The following RRN3 variants were observed in gnomAD, a reference collection of about 807,000 sequenced individuals.
The protein encoded by RRN3 is RNA polymerase I transcription factor RRN3.
RRN3 carries 38 observed loss-of-function variants against 82.3 expected under a neutral mutation model. That is an observed-to-expected ratio of 0.46 (90% CI 0.36 to 0.61). The LOEUF (loss-of-function observed/expected upper bound fraction) is 0.61, where lower values mean the gene tolerates loss of function less well. RRN3 is among the 20% of genes least tolerant of loss of function. RRN3 has a pLI of 0.00. For synonymous variants in RRN3, 284 were observed against 284.3 expected, an observed-to-expected ratio of 1.00 and a Z score of 0.01; for missense variants, 726 against 793.1, an observed-to-expected ratio of 0.92 and a Z score of 1.02.
At chr16:15,071,285 T>C in intron 12 of RRN3, 34 bp from the exon 13 acceptor site, 1 of 1,571,340 alleles carries the variant, frequency 6.4e-7, no homozygotes, top group Non-Finnish European at 8.6e-7. Context: ...GTGATCTTTT[T>C]TAATGCCTAA....
rs369794245 is a variant in RRN3, at chr16:15,063,260, A to T, written c.1730T>A (p.Ile577Asn). 14 of 1,613,242 alleles carry T rather than the reference A, an allele frequency of 8.7e-6. No individual in the cohort carries two copies. The African/African-American group carries it at 1.7e-4, about 20-fold the overall frequency. ...ACTCATGTCTTCCCACACCTGATAA[A>T]TAGGATCAATGAATTTCTTTGACCT... ...LKRSKKFIDP[I>N]YQVWEDMSAE... The change falls in exon 17 of 18, where the codon ATT (isoleucine) becomes AAT (asparagine). Residue 577 changes from isoleucine to asparagine, a missense_variant. Physicochemically the swap from Ile to Asn is moderately radical, Grantham distance 149. Transcript: ENST00000198767.
chr16:15,088,101 A>G (rs552668397), intron 3 of RRN3, among the ~76,000 whole-genome samples: 76 of 151,824 alleles, frequency 5.0e-4, no homozygotes, highest in Non-Finnish European at 8.2e-4. Context: ...GGGCAACAAG[A>G]GCAAAACTCC....
chr16:15,093,729 G>A (rs912728035), intron 1 of RRN3, among the ~76,000 whole-genome samples: 16 of 152,188 alleles, frequency 1.1e-4, no homozygotes, highest in African/African-American at 3.9e-4. Flanking sequence ...AAACAAATAC[G>A]TGTGTCGAAA....
intron 14 of RRN3, among the ~76,000 whole-genome samples, chr16:15,069,103 CAT>C (rs894088044): frequency 7.2e-5 from 11 of 152,160 alleles, no homozygotes; most frequent in Non-Finnish European, 5.9e-5. Flanking sequence ...TGTAGGTAAA[CAT>C]ATATAATGCA....
chr16:15,080,309 A>G (rs1035137358), intron 8 of RRN3, among the ~76,000 whole-genome samples: 4 of 152,242 alleles, frequency 2.6e-5, no homozygotes, highest in African/African-American at 7.2e-5. Flanking sequence ...TTTAATTTGC[A>G]TAACTATAGG....
chr16:15,064,904 C>T (rs1364264007), intron 16 of RRN3, among the ~76,000 whole-genome samples: 3 of 152,210 alleles, frequency 2.0e-5, no homozygotes, highest in Non-Finnish European at 4.4e-5. Context: ...CGGTGGCTCA[C>T]GCCTGTAATC....
intron 14 of RRN3, among the ~76,000 whole-genome samples, chr16:15,069,319 C>A (rs2045120980): frequency 2.6e-5 from 4 of 152,120 alleles, no homozygotes; most frequent in Non-Finnish European, 4.4e-5. Context: ...GATGATGCAG[C>A]CCAAATGGCA....
intron 8 of RRN3, among the ~76,000 whole-genome samples, chr16:15,081,858 C>A (rs2045718277): frequency 6.6e-6 from 1 of 152,182 alleles, no homozygotes; most frequent in Non-Finnish European, 1.5e-5. Context: ...CCATATGCTT[C>A]ATTCTTTTGC....
At chr16:15,087,295 T>C (rs1201186536) in intron 3 of RRN3, among the ~76,000 whole-genome samples, 1 of 152,192 alleles carries the variant, frequency 6.6e-6, no homozygotes, top group African/African-American at 2.4e-5. Context: ...ACTCCACATA[T>C]ATATCTTCTT....
At chr16:15,085,607 T>C in intron 6 of RRN3, 32 bp downstream of exon 6, 2 of 1,604,664 alleles carry the variant, frequency 1.2e-6, no homozygotes, top group Non-Finnish European at 1.7e-6. Context: ...TGAAAGCTAC[T>C]GTGCCCAGGC....
chr16:15,092,157 T>C (rs1447289041), intron 2 of RRN3, among the ~76,000 whole-genome samples: 2 of 152,158 alleles, frequency 1.3e-5, no homozygotes, highest in East Asian at 3.9e-4. Flanking sequence ...CCAGCCTGGG[T>C]GACAGAGGAA....
chr16:15,069,859 T>G (rs1212673510), intron 14 of RRN3, among the ~76,000 whole-genome samples: 7 of 152,220 alleles, frequency 4.6e-5, no homozygotes, highest in African/African-American at 1.7e-4. Flanking sequence ...CAAATCCATC[T>G]TAAGGGGTTT....
chr16:15,072,995 G>C lies in RRN3; in HGVS notation c.1083C>G (p.Ser361=), dbSNP rs1481369573. The C allele has an allele frequency of 6.2e-7, 1 of 1,613,704 alleles. No homozygotes were observed. The highest frequency in any genetic ancestry group is 1.1e-5 in the South Asian group (1 of 90,938). The change falls in exon 12 of 18, where the codon TCC becomes TCG. Residue 361 remains serine, a synonymous_variant. Coordinates refer to ENST00000198767, the MANE Select transcript of RRN3 (RefSeq NM_018427.5). ...AAAACATGAAAAACTGTACATGGCA[G>C]GAGGCATGGGTGGGCAACAGGAGTT... is the stretch of plus-strand genomic sequence containing the variant. ...FDKLLLPTHA[S]CHVQFFMFYL...
At chr16:15,067,013 C>A (rs2045009023) in intron 15 of RRN3, among the ~76,000 whole-genome samples, 1 of 149,706 alleles carries the variant, frequency 6.7e-6, no homozygotes, top group Non-Finnish European at 1.5e-5. Flanking sequence ...CTTCATCCAT[C>A]CTCACTCTTT....
chr16:15,078,812 CTT>C (rs5816111), intron 9 of RRN3, among the ~76,000 whole-genome samples: 111 of 117,636 alleles, frequency 9.4e-4, no homozygotes, highest in Middle Eastern at 4.7e-3. Context: ...GTATTTTTTT[CTT>C]TTTTTTTTTT....
At chr16:15,085,824 T>C in intron 5 of RRN3, 126 bp from the exon 6 acceptor site, 3 of 1,377,148 alleles carry the variant, frequency 2.2e-6, no homozygotes, top group Non-Finnish European at 3.0e-6. Context: ...TAATCCAAAG[T>C]TAGCCCAATG....
chr16:15,061,489 C>T lies in RRN3; in HGVS notation c.*255G>A, dbSNP rs1340199937. 2 of 395,826 alleles carry T rather than the reference C, an allele frequency of 5.1e-6. No individual in the cohort carries two copies. The highest frequency in any genetic ancestry group is 4.3e-5 in the Admixed American group (1 of 23,154). 24.5% of individuals were successfully genotyped at this position (395,826 alleles called of 1,614,324 possible). A position where few individuals can be genotyped will look rare whatever the true frequency, so the allele number is the denominator to read the frequency against. On this transcript the variant is annotated 3_prime_UTR_variant, in exon 18 of 18. Transcript: ENST00000198767. ...AATGTACATATTAAACAAGCAAATCCTTCCAAATGTATCATCAACCCCACT... is the reference window on the plus strand; with the variant it reads ...AATGTACATATTAAACAAGCAAATCTTTCCAAATGTATCATCAACCCCACT...
At chr16:15,069,544 G>C (rs1294094950) in intron 14 of RRN3, among the ~76,000 whole-genome samples, 1 of 152,184 alleles carries the variant, frequency 6.6e-6, no homozygotes, top group Non-Finnish European at 1.5e-5. Flanking sequence ...GGTCAATTAA[G>C]TCTCAAGGCT....
rs1338814187 is a variant in RRN3, at chr16:15,080,111, G to T, written c.667-15C>A. ...ACGTAACATTCCTAAAGGAGAAAATGTAAGATAAAACATTTCAACAGAGAA... is the reference window on the plus strand; with the variant it reads ...ACGTAACATTCCTAAAGGAGAAAATTTAAGATAAAACATTTCAACAGAGAA... On this transcript the variant is annotated splice_polypyrimidine_tract_variant and intron_variant, in intron 8 of 17. Transcript: ENST00000198767. 1 of 1,588,600 alleles carries T rather than the reference G, an allele frequency of 6.3e-7. No homozygotes were observed.
Sources: gnomAD v4.1 joint callset for allele counts (sites outside exome capture counted in the v4.1 genomes callset) on GRCh38, gnomAD v4.1.1 for gene constraint, MANE v1.5 for transcripts, NCBI Gene and HGNC (gene_info 2026-07-23, HGNC 2026-07-21) for gene names.